Variants in CCDC30 observed in about 807,000 individuals in gnomAD.
CCDC30 encodes the protein coiled-coil domain containing 30.
CCDC30 carries 70 observed loss-of-function variants against 100.2 expected under a neutral mutation model. The observed-to-expected ratio is 0.70, with a 90% confidence interval of 0.58 to 0.85. The LOEUF (loss-of-function observed/expected upper bound fraction) is 0.85, where lower values mean the gene tolerates loss of function less well. Ranked by LOEUF, CCDC30 falls within the 40% of genes least tolerant of loss-of-function variation. The pLI is 0.00. For synonymous variants in CCDC30, 233 were observed against 269.5 expected (o/e 0.86, Z 1.33); for missense variants, 652 against 771.2 (o/e 0.85, Z 1.83).
At chr1:42,516,804 C>T (rs1327153150) in intron 6 of CCDC30, among the ~76,000 whole-genome samples, 1 of 152,080 alleles carries the variant, frequency 6.6e-6, no homozygotes, top group African/African-American at 2.4e-5. Context: ...ATTGTTATAG[C>T]AATACAAAAT....
intron 6 of CCDC30, among the ~76,000 whole-genome samples, chr1:42,551,467 A>T (rs1645250596): frequency 6.6e-6 from 1 of 152,150 alleles, no homozygotes; most frequent in African/African-American, 2.4e-5. Context: ...GAACTACAAC[A>T]GGAGGAAGCA....
At chr1:42,481,620 T>A (rs1367159280) in intron 2 of CCDC30, among the ~76,000 whole-genome samples, 1 of 151,940 alleles carries the variant, frequency 6.6e-6, no homozygotes, top group Non-Finnish European at 1.5e-5. Context: ...ACTATACATA[T>A]TTTTTATTTA....
At chr1:42,585,003 T>C in intron 9 of CCDC30, among the ~76,000 whole-genome samples, 1 of 152,240 alleles carries the variant, frequency 6.6e-6, no homozygotes, top group East Asian at 1.9e-4. Flanking sequence ...GAATTCACCA[T>C]GAAATCATCT....
At chr1:42,617,545 C>T (rs1355349567) in intron 11 of CCDC30, among the ~76,000 whole-genome samples, 1 of 152,140 alleles carries the variant, frequency 6.6e-6, no homozygotes, top group Non-Finnish European at 1.5e-5. Flanking sequence ...AGTTTTATTA[C>T]TCAAATCAGT....
the CCDC30 span, chr1:42,457,220 G>A: frequency 4.3e-6 from 7 of 1,613,818 alleles, no homozygotes; most frequent in Non-Finnish European, 1.7e-6. Flanking sequence ...TCGCCGATTT[G>A]TTAACACCTT....
the CCDC30 span, chr1:42,456,306 G>C: frequency 1.0e-5 from 6 of 595,188 alleles, no homozygotes; most frequent in African/African-American, 7.5e-5. Context: ...CTTCACCCAG[G>C]CTAGGAAACG....
intron 10 of CCDC30, among the ~76,000 whole-genome samples, chr1:42,597,275 C>T (rs1403193202): frequency 2.0e-5 from 3 of 152,038 alleles, no homozygotes; most frequent in African/African-American, 7.2e-5. Context: ...TTGAGAATTT[C>T]CTGAGATTAA....
chr1:42,459,470 A>T, upstream of CCDC30: 1 of 822,848 alleles, frequency 1.2e-6, no homozygotes, highest in Non-Finnish European at 1.9e-6. Context: ...AAGACTTTTT[A>T]AACTAAACAT....
At chr1:42,615,128 A>G (rs755261023) in intron 11 of CCDC30, among the ~76,000 whole-genome samples, 2 of 152,064 alleles carry the variant, frequency 1.3e-5, no homozygotes, top group African/African-American at 4.8e-5. Flanking sequence ...AGGATTTTGG[A>G]TTGGGCCAAA....
At chr1:42,500,758 GTT>G (rs1644300625) in intron 6 of CCDC30, among the ~76,000 whole-genome samples, 1 of 148,058 alleles carries the variant, frequency 6.8e-6, no homozygotes, top group South Asian at 2.1e-4. Flanking sequence ...AAGTAGTTTT[GTT>G]TTGTTTTTTT....
intron 11 of CCDC30, among the ~76,000 whole-genome samples, chr1:42,619,947 T>C (rs1195667153): frequency 6.6e-6 from 1 of 152,198 alleles, no homozygotes; most frequent in Non-Finnish European, 1.5e-5. Flanking sequence ...AGGACTCCCT[T>C]GGAGTAGTTC....
At position 42,653,858 on chromosome 1, in the gene CCDC30, C is replaced by T. The variant is rs374025260; in HGVS notation, c.1963C>T (p.Gln655Ter). The stretch of plus-strand genomic sequence containing the variant: ...TTTGGTAGAGTCATTTGCAAGTCTT[C>T]AAGAGACTGAAGAGATCAAGTCAAA... The change falls in exon 17 of 17, where the codon CAA becomes TAA. Residue 655 changes from glutamine to a stop codon, truncating the protein, a stop_gained. Transcript: ENST00000668663. LOFTEE classifies it low-confidence loss of function (END_TRUNC). 2.5e-6 allele frequency: 4 copies of T among 1,613,968 alleles called. No individual in the cohort carries two copies. Among genetic ancestry groups the T allele is most frequent in the African/African-American group, 1.3e-5 (1 of 74,892 alleles).
At chr1:42,505,118 GTGTAGTA>G (rs1392613607) in intron 6 of CCDC30, among the ~76,000 whole-genome samples, 3 of 152,190 alleles carry the variant, frequency 2.0e-5, no homozygotes, top group Non-Finnish European at 2.9e-5. Flanking sequence ...CACAAGGGTG[GTGTAGTA>G]GATCATTTCC....
Position 42,589,908 on chromosome 1 carries a change from G to A in CCDC30, c.1164+425G>A, listed in dbSNP as rs115548808. On this transcript the variant is annotated intron_variant, in intron 10 of 16. Coordinates refer to ENST00000668663, the Ensembl canonical transcript of CCDC30. ...AAACCTGTTTCTTCTTTCTATACTC[G>A]TACCACTCTGAATACTTCACTTCTG... 2.7e-3 allele frequency: 415 copies of A among 155,820 alleles called. 3 individuals carry two copies. The highest frequency in any genetic ancestry group is 9.5e-3 in the African/African-American group (393 of 41,572). The allele number at this position is 155,820 out of a possible 1,614,324, so 9.7% of individuals were successfully genotyped here.
downstream of CCDC30, among the ~76,000 whole-genome samples, chr1:42,655,580 G>A (rs1288603387): frequency 6.6e-6 from 1 of 152,022 alleles, no homozygotes; most frequent in African/African-American, 2.4e-5. Flanking sequence ...AAATAAAAGT[G>A]GATAGGAAAA....
At chr1:42,580,694 C>G (rs2148591269) in intron 8 of CCDC30, 1 of 287,544 alleles carries the variant, frequency 3.5e-6, no homozygotes, top group Middle Eastern at 1.1e-3. Flanking sequence ...CATATAAACT[C>G]TAAAATATAA....
At chr1:42,636,339 G>A (rs776966368) in intron 11 of CCDC30, among the ~76,000 whole-genome samples, 18 of 152,178 alleles carry the variant, frequency 1.2e-4, no homozygotes, top group Non-Finnish European at 1.0e-4. Context: ...TCAGGAGGTC[G>A]AGGATGTAGT....
intron 6 of CCDC30, among the ~76,000 whole-genome samples, chr1:42,519,820 T>C (rs1644609412): frequency 6.6e-6 from 1 of 152,318 alleles, no homozygotes; most frequent in South Asian, 2.1e-4. Context: ...CCCAAAGTGC[T>C]GTGATTACAG....
At chr1:42,510,282 C>A in intron 6 of CCDC30, 1 of 274,220 alleles carries the variant, frequency 3.6e-6, no homozygotes, top group Non-Finnish European at 5.6e-6. Context: ...CTGCTGTCTG[C>A]GGAGCTGCCT....
Sources: gnomAD v4.1 joint callset for allele counts (sites outside exome capture counted in the v4.1 genomes callset) on GRCh38, gnomAD v4.1.1 for gene constraint, MANE v1.5 for transcripts, NCBI Gene and HGNC (gene_info 2026-07-23, HGNC 2026-07-21) for gene names.